The following ZMYND11 variants were observed in gnomAD, a reference collection of about 807,000 sequenced individuals.
ZMYND11 encodes zinc finger MYND domain-containing protein 11.
Under a neutral mutation model 84.9 loss-of-function variants are expected in ZMYND11, and 9 were observed. That is an observed-to-expected ratio of 0.11 (90% CI 0.06 to 0.18). ZMYND11 has a LOEUF of 0.18. ZMYND11 is among the 10% of genes least tolerant of loss of function. The pLI is 1.00. For missense variants in ZMYND11, 409 were observed against 761.0 expected, an observed-to-expected ratio of 0.54 and a Z score of 5.44; for synonymous variants, 250 against 244.1, an observed-to-expected ratio of 1.02 and a Z score of -0.23.
chr10:242,126 C>T lies in ZMYND11; in HGVS notation c.937C>T (p.His313Tyr). 1.2e-6 allele frequency: 2 copies of T among 1,613,840 alleles called. No homozygotes were observed. The highest frequency in any genetic ancestry group is 1.7e-6 in the Non-Finnish European group (2 of 1,179,936). Residue 313 changes from histidine (H) to tyrosine (Y), a missense_variant, in exon 10 of 15, where the codon CAC (histidine) becomes TAC (tyrosine). This residue lies in a region of ZMYND11 where 59 missense variants were observed against 151.0 expected (regional missense o/e 0.39). Transcript: ENST00000381604. ...DNQVDVRFFG[H>Y]HHQRAWIPSE... Reference sequence around the variant, plus strand: ...TCAAGTCGACGTTCGCTTCTTTGGCCACCACCACCAGAGGTAATTTGTGAT... The same window carrying T: ...TCAAGTCGACGTTCGCTTCTTTGGCTACCACCACCAGAGGTAATTTGTGAT...
Position 250,701 on chromosome 10 carries a change from C to A in ZMYND11, c.1686+1613C>A, listed in dbSNP as rs534259767. On this transcript the variant is annotated intron_variant, in intron 14 of 14. Transcript: ENST00000381604. Reference sequence around the variant, plus strand: ...ATGATTAAAAACCTAGTTGGCAGAGCTGAGCTTTTTGTGCTCATCACATTC... The same window carrying A: ...ATGATTAAAAACCTAGTTGGCAGAGATGAGCTTTTTGTGCTCATCACATTC... 5.9e-5 allele frequency among the ~76,000 whole-genome samples: 9 copies of A among 152,092 alleles called. No individual in the cohort carries two copies. In the East Asian group the frequency reaches 1.5e-3, roughly 26 times the overall value.
intron 1 of ZMYND11, chr10:147,828 A>G (rs1839274811): frequency 6.6e-6 from 1 of 152,088 alleles, no homozygotes; most frequent in Non-Finnish European, 1.5e-5. Flanking sequence ...CGTTATAGTC[A>G]GGATATGGGT....
chr10:247,989 AATT>A (rs1390882759), intron 12 of ZMYND11, among the ~76,000 whole-genome samples: 1 of 152,212 alleles, frequency 6.6e-6, no homozygotes, highest in Middle Eastern at 3.2e-3. Flanking sequence ...CCAATGAAGT[AATT>A]ATAAGTTGAC....
chr10:198,379 A>G (rs915096105), intron 2 of ZMYND11, among the ~76,000 whole-genome samples: 1 of 152,120 alleles, frequency 6.6e-6, no homozygotes, highest in African/African-American at 2.4e-5. Context: ...CATAATGGAG[A>G]ACATTTTTAA....
intron 1 of ZMYND11, among the ~76,000 whole-genome samples, chr10:179,296 TG>T (rs1387709048): frequency 6.6e-6 from 1 of 152,076 alleles, no homozygotes; most frequent in East Asian, 1.9e-4. Flanking sequence ...TATTGGGAGG[TG>T]GGAGGTGTGG....
intron 1 of ZMYND11, among the ~76,000 whole-genome samples, chr10:150,048 A>T (rs1240680600): frequency 6.6e-6 from 1 of 152,208 alleles, no homozygotes; most frequent in African/African-American, 2.4e-5. Flanking sequence ...ATCAATGTTC[A>T]TCAGGGATAT....
At chr10:169,377 C>T (rs1844750892) in intron 1 of ZMYND11, among the ~76,000 whole-genome samples, 2 of 152,062 alleles carry the variant, frequency 1.3e-5, no homozygotes, top group East Asian at 1.9e-4. Context: ...CAGTACATAA[C>T]GTTGACCTTT....
At chr10:241,459 T>TGAGCCAC (rs1950902819) in intron 9 of ZMYND11, among the ~76,000 whole-genome samples, 1 of 152,224 alleles carries the variant, frequency 6.6e-6, no homozygotes, top group African/African-American at 2.4e-5. Flanking sequence ...ATTACAGGCA[T>TGAGCCAC]GAGCCACCAC....
intron 1 of ZMYND11, among the ~76,000 whole-genome samples, chr10:176,755 T>C (rs946189269): frequency 6.6e-6 from 1 of 152,036 alleles, no homozygotes; most frequent in African/African-American, 2.4e-5. Context: ...TCAGGGAAAA[T>C]TGCATTAAAG....
chr10:173,456 A>T (rs1266767994), intron 1 of ZMYND11, among the ~76,000 whole-genome samples: 3 of 152,196 alleles, frequency 2.0e-5, no homozygotes, highest in Non-Finnish European at 2.9e-5. Context: ...AATGAAGAAC[A>T]TGTTCTAGAA....
chr10:217,992 T>C (rs2131377145), intron 3 of ZMYND11, among the ~76,000 whole-genome samples: 1 of 152,312 alleles, frequency 6.6e-6, no homozygotes, highest in East Asian at 1.9e-4. Context: ...TTTCATGTTA[T>C]GGTGAGGTAT....
At chr10:163,907 C>A (rs1843444482) in intron 1 of ZMYND11, among the ~76,000 whole-genome samples, 1 of 152,086 alleles carries the variant, frequency 6.6e-6, no homozygotes, top group African/African-American at 2.4e-5. Flanking sequence ...GATACCTTCA[C>A]ATGTCAGTGT....
intron 14 of ZMYND11, chr10:249,479 T>C: frequency 2.0e-6 from 2 of 984,860 alleles, no homozygotes; most frequent in Non-Finnish European, 2.4e-6. Context: ...CAATAAATAG[T>C]TTCAGATTTC....
intron 4 of ZMYND11, among the ~76,000 whole-genome samples, chr10:235,935 G>A (rs1431942545): frequency 6.6e-6 from 1 of 152,234 alleles, no homozygotes; most frequent in Non-Finnish European, 1.5e-5. Context: ...AGTTATGTGA[G>A]AAATATTTGT....
At chr10:229,159 C>T (rs530122984) in intron 4 of ZMYND11, among the ~76,000 whole-genome samples, 3 of 152,158 alleles carry the variant, frequency 2.0e-5, no homozygotes, top group African/African-American at 7.2e-5. Flanking sequence ...AAGAGTTGGC[C>T]TTGTAAAAAT....
At chr10:219,460 G>C (rs1046285680) in intron 3 of ZMYND11, among the ~76,000 whole-genome samples, 5 of 152,124 alleles carry the variant, frequency 3.3e-5, no homozygotes, top group African/African-American at 9.7e-5. Flanking sequence ...GAAATATTTT[G>C]TCTTAACTTT....
At chr10:174,463 A>G (rs1846087309) in intron 1 of ZMYND11, among the ~76,000 whole-genome samples, 1 of 152,248 alleles carries the variant, frequency 6.6e-6, no homozygotes, top group African/African-American at 2.4e-5. Context: ...TATGGGCACT[A>G]CCGTGGCACA....
intron 4 of ZMYND11, among the ~76,000 whole-genome samples, chr10:222,462 C>A (rs1318131104): frequency 6.6e-6 from 1 of 152,104 alleles, no homozygotes; most frequent in African/African-American, 2.4e-5. Context: ...CATGTCAGTT[C>A]CCTAAGTCTG....
chr10:207,216 A>G (rs186013837), intron 2 of ZMYND11, among the ~76,000 whole-genome samples: 204 of 152,184 alleles, frequency 1.3e-3, no homozygotes, highest in Admixed American at 3.7e-3. Flanking sequence ...TATGTGCCAC[A>G]TTTTCTTAAT....
Sources: allele counts gnomAD v4.1 joint callset (sites outside exome capture counted in the v4.1 genomes callset), GRCh38; gene constraint gnomAD v4.1.1; regional missense constraint gnomAD v4.1.1; transcripts MANE v1.5; gene names NCBI Gene and HGNC (gene_info 2026-07-23, HGNC 2026-07-21).